The following ARIH1 variants were observed in gnomAD, a reference collection of about 807,000 sequenced individuals.
The protein encoded by ARIH1 is E3 ubiquitin-protein ligase ARIH1.
A neutral mutation model predicts 85.0 loss-of-function variants in ARIH1; 8 were observed. That is an observed-to-expected ratio of 0.09 (90% CI 0.06 to 0.17). The LOEUF is 0.17. Among genes scored for constraint, ARIH1 ranks in the 10% least tolerant of loss-of-function variants. ARIH1 has a pLI of 1.00. For synonymous variants in ARIH1, 238 were observed against 253.6 expected (o/e 0.94, Z 0.59); for missense variants, 311 against 718.1 (o/e 0.43, Z 6.48).
intron 1 of ARIH1, among the ~76,000 whole-genome samples, chr15:72,495,321 T>C (rs1382412854): frequency 1.3e-5 from 2 of 152,190 alleles, no homozygotes; most frequent in African/African-American, 4.8e-5. Context: ...TCTGTGAATA[T>C]AATCAAAACC....
chr15:72,530,600 C>T (rs1211835887), intron 2 of ARIH1, among the ~76,000 whole-genome samples: 1 of 152,124 alleles, frequency 6.6e-6, no homozygotes, highest in Non-Finnish European at 1.5e-5. Context: ...ACTATTTTCT[C>T]AAATTATTTT....
At chr15:72,575,584 T>G (rs2046086759) in intron 11 of ARIH1, among the ~76,000 whole-genome samples, 2 of 147,856 alleles carry the variant, frequency 1.4e-5, no homozygotes, top group African/African-American at 5.0e-5. Context: ...AAAGTCTTAT[T>G]AGCAGTGATG....
intron 2 of ARIH1, among the ~76,000 whole-genome samples, chr15:72,523,939 C>CTTTTTT (rs397853910): frequency 6.0e-4 from 37 of 61,720 alleles, no homozygotes; most frequent in South Asian, 2.2e-3. Context: ...ACTTTTACAT[C>CTTTTTT]TTTTTTTTTT....
chr15:72,573,510 A>G (rs1472636412), intron 11 of ARIH1, among the ~76,000 whole-genome samples: 2 of 152,130 alleles, frequency 1.3e-5, no homozygotes, highest in Middle Eastern at 3.2e-3. Context: ...GCAGTGAGCC[A>G]AGATTTCACC....
chr15:72,477,735 G>A (rs2063800112), intron 1 of ARIH1, among the ~76,000 whole-genome samples: 1 of 151,952 alleles, frequency 6.6e-6, no homozygotes, highest in African/African-American at 2.4e-5. Context: ...ATTTAATTTG[G>A]TCTTTTGTTT....
intron 2 of ARIH1, among the ~76,000 whole-genome samples, chr15:72,521,006 G>A (rs1206491113): frequency 9.2e-5 from 14 of 151,890 alleles, no homozygotes; most frequent in Admixed American, 7.9e-4. Context: ...ACCATACCTA[G>A]TTAGTTTTTA....
intron 1 of ARIH1, among the ~76,000 whole-genome samples, chr15:72,499,141 A>T (rs575540550): frequency 2.6e-5 from 4 of 151,696 alleles, no homozygotes; most frequent in Admixed American, 2.6e-4. Context: ...ACACTTGGCT[A>T]ATTTTTGTAT....
At chr15:72,490,596 C>T (rs1460183100) in intron 1 of ARIH1, among the ~76,000 whole-genome samples, 5 of 152,136 alleles carry the variant, frequency 3.3e-5, no homozygotes, top group African/African-American at 1.2e-4. Flanking sequence ...GAAACCAGTC[C>T]CTAGTGCCAA....
chr15:72,479,150 T>G (rs573636026), intron 1 of ARIH1, among the ~76,000 whole-genome samples: 2 of 152,232 alleles, frequency 1.3e-5, no homozygotes, highest in Non-Finnish European at 2.9e-5. Flanking sequence ...GTTGTGATGC[T>G]CAAAGGAAAT....
Position 72,587,378 on chromosome 15 carries a change from C to G in ARIH1, c.*4086C>G, listed in dbSNP as rs762480947. The G allele has an allele frequency of 2.4e-6, 1 of 419,272 alleles. No individual in the cohort carries two copies. The highest frequency in any genetic ancestry group is 4.9e-6 in the Non-Finnish European group (1 of 205,936). 26.0% of individuals were successfully genotyped at this position (419,272 alleles called of 1,614,324 possible). A position where few individuals can be genotyped will look rare whatever the true frequency, so the allele number is the denominator to read the frequency against. ...ATCACTGCTACTGTTAGAGGTTGCT[C>G]TATACTATCTCTGATCTTTCATTTG... On this transcript the variant is annotated 3_prime_UTR_variant, in exon 14 of 14. Transcript: ENST00000379887.
At chr15:72,548,234 C>T (rs768536140) in intron 3 of ARIH1, among the ~76,000 whole-genome samples, 4 of 152,026 alleles carry the variant, frequency 2.6e-5, no homozygotes, top group Non-Finnish European at 5.9e-5. Context: ...GCAGGACTTA[C>T]CACAGAAATC....
chr15:72,553,797 G>T (rs1254681300), intron 3 of ARIH1, among the ~76,000 whole-genome samples: 1 of 152,130 alleles, frequency 6.6e-6, no homozygotes, highest in Non-Finnish European at 1.5e-5. Context: ...CGTTTCTGTA[G>T]TCCCAGCTAT....
chr15:72,601,993 A>G lies in ARIH1; in HGVS notation c.*18701A>G, dbSNP rs2064383718. ...TTTCTGCACTTTATCTGTTAATAAT[A>G]TATCTTGGCAATTATTCAATATTAA... is the stretch of plus-strand genomic sequence containing the variant. On this transcript the variant is annotated 3_prime_UTR_variant, in exon 14 of 14. Coordinates refer to ENST00000379887, the MANE Select transcript of ARIH1 (RefSeq NM_005744.5). 1 of 152,184 alleles carries G rather than the reference A, an allele frequency of 6.6e-6. No individual in the cohort carries two copies. The highest frequency in any genetic ancestry group is 6.6e-5 in the Admixed American group (1 of 15,266). The allele number at this position is 152,184 out of a possible 1,614,324, so 9.4% of individuals were successfully genotyped here.
At chr15:72,538,580 C>T (rs2064093006) in intron 2 of ARIH1, among the ~76,000 whole-genome samples, 2 of 152,308 alleles carry the variant, frequency 1.3e-5, no homozygotes, top group African/African-American at 2.4e-5. Context: ...CAAGAAGAAG[C>T]ATTAGCCAGT....
chr15:72,484,693 GCGTGTGTATA>G (rs2063830260), intron 1 of ARIH1, among the ~76,000 whole-genome samples: 1 of 150,436 alleles, frequency 6.6e-6, no homozygotes, highest in Non-Finnish European at 1.5e-5. Context: ...GTATATGTAT[GCGTGTGTATA>G]CGTATATACG....
chr15:72,500,382 T>C (rs919050712), intron 1 of ARIH1, among the ~76,000 whole-genome samples: 3 of 152,138 alleles, frequency 2.0e-5, no homozygotes, highest in Admixed American at 6.6e-5. Flanking sequence ...TGTGAGCCAC[T>C]TTATGACTTT....
intron 1 of ARIH1, among the ~76,000 whole-genome samples, chr15:72,503,392 G>A (rs1311056444): frequency 6.6e-6 from 1 of 152,276 alleles, no homozygotes; most frequent in Non-Finnish European, 1.5e-5. Flanking sequence ...TTGTGACAGT[G>A]GCAACTTCCT....
intron 9 of ARIH1, among the ~76,000 whole-genome samples, chr15:72,568,044 A>G (rs1418018991): frequency 6.6e-6 from 1 of 152,200 alleles, no homozygotes; most frequent in Non-Finnish European, 1.5e-5. Context: ...TATATATAAA[A>G]CATGAATTTA....
chr15:72,507,896 A>G (rs1010500153), intron 1 of ARIH1, among the ~76,000 whole-genome samples: 6 of 152,172 alleles, frequency 3.9e-5, no homozygotes, highest in Non-Finnish European at 5.9e-5. Context: ...TTACTAAAAT[A>G]CTATACTGCC....
Sources: gnomAD v4.1 joint callset for allele counts (sites outside exome capture counted in the v4.1 genomes callset) on GRCh38, gnomAD v4.1.1 for gene constraint, MANE v1.5 for transcripts, NCBI Gene and HGNC (gene_info 2026-07-23, HGNC 2026-07-21) for gene names.